TLL1: variants seen among roughly 807,000 people sequenced by gnomAD.
The protein encoded by TLL1 is tolloid like 1.
Under a neutral mutation model 128.2 loss-of-function variants are expected in TLL1, and 49 were observed. The ratio of observed to expected loss-of-function variants is 0.38; its 90% CI spans 0.30 to 0.48. TLL1 has a LOEUF of 0.48. Among genes scored for constraint, TLL1 ranks in the 20% least tolerant of loss-of-function variants. The pLI, the probability that TLL1 is intolerant of heterozygous loss-of-function variation, is 0.96. For synonymous variants in TLL1, 454 were observed against 418.8 expected, an observed-to-expected ratio of 1.08 and a Z score of -1.03; for missense variants, 1,123 against 1,242.0, an observed-to-expected ratio of 0.90 and a Z score of 1.44.
At chr4:165,953,099 G>A (rs1454063055) in intron 1 of TLL1, among the ~76,000 whole-genome samples, 1 of 152,084 alleles carries the variant, frequency 6.6e-6, no homozygotes, top group Non-Finnish European at 1.5e-5. Flanking sequence ...TTGTTGTTTT[G>A]TTGAAGCCAT....
chr4:165,966,252 A>G (rs1310292991), intron 1 of TLL1, among the ~76,000 whole-genome samples: 1 of 152,052 alleles, frequency 6.6e-6, no homozygotes, highest in Admixed American at 6.5e-5. Context: ...ACAAAAGGGT[A>G]GAACAAAGCC....
chr4:166,044,317 T>C (rs1739364122), intron 12 of TLL1: 2 of 1,503,968 alleles, frequency 1.3e-6, no homozygotes, highest in Non-Finnish European at 1.8e-6. Context: ...TGAACACTAC[T>C]TACTGAGGGC....
At chr4:166,010,126 A>G (rs1447896591) in intron 7 of TLL1, among the ~76,000 whole-genome samples, 1 of 151,348 alleles carries the variant, frequency 6.6e-6, no homozygotes, top group Non-Finnish European at 1.5e-5. Context: ...CTCAAGGTTG[A>G]TCTATGTTGT....
Position 165,966,351 on chromosome 4 carries a change from T to A in TLL1, c.170-23030T>A, listed in dbSNP as rs73863508. On this transcript the variant is annotated intron_variant, in intron 1 of 20. Coordinates refer to ENST00000061240, the MANE Select transcript of TLL1 (RefSeq NM_012464.5). The stretch of plus-strand genomic sequence containing the variant: ...TGTGGGGACCTCCTAACTTTGTGGC[T>A]TATGGAAGTCACCCAGCATTCCAGT... 5.2e-3 allele frequency among the ~76,000 whole-genome samples: 792 copies of A among 152,228 alleles called. 12 individuals carry two copies. The highest frequency in any genetic ancestry group is 0.018 in the African/African-American group (737 of 41,544).
At chr4:165,913,134 T>TA (rs1732616239) in intron 1 of TLL1, among the ~76,000 whole-genome samples, 1 of 152,280 alleles carries the variant, frequency 6.6e-6, no homozygotes, top group East Asian at 1.9e-4. Context: ...ATCATTGACT[T>TA]AAAAAAACAC....
intron 1 of TLL1, among the ~76,000 whole-genome samples, chr4:165,957,139 C>A (rs1459852787): frequency 6.6e-6 from 1 of 151,940 alleles, no homozygotes; most frequent in East Asian, 1.9e-4. Context: ...CCCACAGGCT[C>A]AAAGTAAAGA....
At chr4:165,874,224 C>T in intron 1 of TLL1, 151 bp downstream of exon 1, 2 of 967,006 alleles carry the variant, frequency 2.1e-6, no homozygotes, top group Non-Finnish European at 3.2e-6. Context: ...TCCTTCCCTT[C>T]CCCACCCGCA....
At position 166,101,726 on chromosome 4, in the gene TLL1, ACTGT is replaced by A. The variant is rs1266143249; in HGVS notation, c.*854_*857del. ...GGTGTGAGCAGGATTCTTCTGAATGACTGTCTGGATGGTTCATTACTCAAGTTAC... is the reference window on the plus strand; with the variant it reads ...GGTGTGAGCAGGATTCTTCTGAATGACTGGATGGTTCATTACTCAAGTTAC... On this transcript the variant is annotated 3_prime_UTR_variant, in exon 21 of 21. Transcript: ENST00000061240. The A allele has an allele frequency of 6.6e-6, 1 of 152,372 alleles. No individual in the cohort carries two copies. Among genetic ancestry groups the A allele is most frequent in the Non-Finnish European group, 1.5e-5 (1 of 67,960 alleles). The allele number at this position is 152,372 out of a possible 1,614,324, so 9.4% of individuals were successfully genotyped here.
rs772877785 is a variant in TLL1, at chr4:166,074,934, A to G, written c.2245A>G (p.Met749Val). The change falls in exon 17 of 21, where the codon ATG (methionine) becomes GTG (valine). Residue 749 changes from methionine (M) to valine (V), a missense_variant. Physicochemically the swap from Met to Val is conservative, Grantham distance 21. Coordinates refer to ENST00000061240, the MANE Select transcript of TLL1 (RefSeq NM_012464.5). The part of the protein sequence containing the change: ...GGCQHECVNT[M>V]GSYMCQCRNG... Reference sequence around the variant, plus strand: ...ATGTCAGCACGAATGTGTCAACACGATGGGGAGCTACATGTGTCAATGCCG... The same window carrying G: ...ATGTCAGCACGAATGTGTCAACACGGTGGGGAGCTACATGTGTCAATGCCG... 291 of 1,613,606 alleles carry G rather than the reference A, an allele frequency of 1.8e-4. No homozygotes were observed. The highest frequency in any genetic ancestry group is 2.4e-4 in the Non-Finnish European group (283 of 1,179,724).
At chr4:166,010,575 A>AT (rs1737645353) in intron 7 of TLL1, among the ~76,000 whole-genome samples, 1 of 149,788 alleles carries the variant, frequency 6.7e-6, no homozygotes, top group Non-Finnish European at 1.5e-5. Context: ...AATATTGGAA[A>AT]TTTTTTTTCC....
In TLL1 at chr4:165,873,557, A is replaced by C; in HGVS notation, c.-348A>C. On this transcript the variant is annotated 5_prime_UTR_variant, in exon 1 of 21. Transcript: ENST00000061240. ...CGCTCGCCGAGCCGCGGCCGCGGGA[A>C]GTTCGGCAGCCAGAAGGACGACCTG... 3.6e-5 allele frequency: 6 copies of C among 166,306 alleles called. No individual in the cohort carries two copies. Among genetic ancestry groups the C allele is most frequent in the Non-Finnish European group, 5.2e-5 (4 of 77,578 alleles). 10.3% of individuals were successfully genotyped at this position (166,306 alleles called of 1,614,324 possible).
chr4:165,968,668 G>A lies in TLL1; in HGVS notation c.170-20713G>A, dbSNP rs142712142. Among the ~76,000 whole-genome samples the A allele has an allele frequency of 7.9e-5, 12 of 152,222 alleles. No individual in the cohort carries two copies. The East Asian group carries it at 2.1e-3, about 27-fold the overall frequency. On this transcript the variant is annotated intron_variant, in intron 1 of 20. Transcript: ENST00000061240. ...TTACCACATTCAATGGCCTAAAAGG[G>A]GGAGATGATGAGTTTTGTCATGTCA...
chr4:165,876,533 C>G (rs1019602103), intron 1 of TLL1, among the ~76,000 whole-genome samples: 7 of 152,202 alleles, frequency 4.6e-5, no homozygotes, highest in African/African-American at 1.7e-4. Flanking sequence ...TCATATTCCT[C>G]AAAGTACACA....
Position 165,958,172 on chromosome 4 carries a change from C to T in TLL1, c.170-31209C>T, listed in dbSNP as rs1201531665. Among the ~76,000 whole-genome samples, 8 of 139,494 alleles carry T rather than the reference C, an allele frequency of 5.7e-5. No individual in the cohort carries two copies. The East Asian group carries it at 9.1e-4, about 16-fold the overall frequency. The allele number at this position is 139,494 out of a possible 152,430, so 91.5% of individuals were successfully genotyped here. ...TGTGAATAGTGCCACAATAAACATACGTGTGCATGTGTCTTTATAGCAGCA... is the reference window on the plus strand; with the variant it reads ...TGTGAATAGTGCCACAATAAACATATGTGTGCATGTGTCTTTATAGCAGCA... On this transcript the variant is annotated intron_variant, in intron 1 of 20. Transcript: ENST00000061240.
At chr4:165,886,624 C>A (rs1047745267) in intron 1 of TLL1, among the ~76,000 whole-genome samples, 1 of 152,106 alleles carries the variant, frequency 6.6e-6, no homozygotes, top group South Asian at 2.1e-4. Flanking sequence ...TATAAAATGG[C>A]ATAGTATTTG....
intron 1 of TLL1, among the ~76,000 whole-genome samples, chr4:165,911,615 T>C (rs1333577626): frequency 6.6e-6 from 1 of 152,204 alleles, no homozygotes; most frequent in Non-Finnish European, 1.5e-5. Context: ...ATCTGCTTGA[T>C]TTTTGTCAAG....
At chr4:166,052,972 T>TATATATATATATATATATATATATAG (rs1739828320) in intron 12 of TLL1, among the ~76,000 whole-genome samples, 1 of 143,104 alleles carries the variant, frequency 7.0e-6, no homozygotes, top group Admixed American at 6.9e-5. Context: ...TGTGTATATA[T>TATATATATATATATATATATATATAG]ATATATATAT....
At chr4:166,019,474 A>G (rs750613720) in intron 8 of TLL1, among the ~76,000 whole-genome samples, 4 of 152,202 alleles carry the variant, frequency 2.6e-5, no homozygotes, top group Non-Finnish European at 5.9e-5. Flanking sequence ...AGCCAATAAA[A>G]TATATTTGGC....
Position 166,042,020 on chromosome 4 carries a change from C to A in TLL1, c.1262-7C>A, listed in dbSNP as rs752571910. 1.3e-6 allele frequency: 2 copies of A among 1,590,782 alleles called. No individual in the cohort carries two copies. The highest frequency in any genetic ancestry group is 1.1e-5 in the South Asian group (1 of 90,626). ...GGAGTTTCTCTTTATTCTTTTATTT[C>A]TTTTAGGTAGATTCTGTGGGGACAA... On this transcript the variant is annotated splice_polypyrimidine_tract_variant and splice_region_variant and intron_variant, in intron 10 of 20. Coordinates refer to ENST00000061240, the MANE Select transcript of TLL1 (RefSeq NM_012464.5).
Sources: allele counts gnomAD v4.1 joint callset (sites outside exome capture counted in the v4.1 genomes callset), GRCh38; gene constraint gnomAD v4.1.1; transcripts MANE v1.5; gene names NCBI Gene and HGNC (gene_info 2026-07-23, HGNC 2026-07-21).